Variants in ZNF610 observed in about 807,000 individuals in gnomAD.
The protein encoded by ZNF610 is zinc finger protein 610, also known as zink finger protein.
In ZNF610, 14 loss-of-function variants were observed where a neutral mutation model predicts 14.1. That is an observed-to-expected ratio of 0.99 (90% CI 0.65 to 1.55). ZNF610 has a LOEUF of 1.55. Among genes scored for constraint, ZNF610 ranks in the 40% most tolerant of loss-of-function variants. The pLI, the probability that ZNF610 is intolerant of heterozygous loss-of-function variation, is 0.00. For missense variants in ZNF610, 530 were observed against 558.0 expected (o/e 0.95, Z 0.51); for synonymous variants, 185 against 187.6 (o/e 0.99, Z 0.11).
upstream of ZNF610, among the ~76,000 whole-genome samples, chr19:52,334,766 T>G (rs2082351187): frequency 6.6e-6 from 1 of 151,516 alleles, no homozygotes; most frequent in South Asian, 2.1e-4. Flanking sequence ...GTGTCTGTAC[T>G]AAAAATACAA....
chr19:52,353,966 C>T (rs995122795), intron 4 of ZNF610, among the ~76,000 whole-genome samples, 158 bp downstream of exon 4: 5 of 152,190 alleles, frequency 3.3e-5, no homozygotes, highest in Admixed American at 6.5e-5. Flanking sequence ...ATTTGAAATG[C>T]GTCCTTTCTT....
chr19:52,356,593 C>T (rs1380205425), intron 5 of ZNF610, among the ~76,000 whole-genome samples: 1 of 152,100 alleles, frequency 6.6e-6, no homozygotes, highest in Admixed American at 6.6e-5. Flanking sequence ...TATGCCTCAG[C>T]AGGAGAGTCT....
chr19:52,349,305 A>G, intron 3 of ZNF610, 70 bp downstream of exon 3: 1 of 1,507,670 alleles, frequency 6.6e-7, no homozygotes. Context: ...CCTGCCTGAC[A>G]CGTTTGCTCA....
Position 52,365,800 on chromosome 19 carries a change from C to T in ZNF610, c.422C>T (p.Ala141Val). The T allele has an allele frequency of 6.2e-7, 1 of 1,614,146 alleles. No homozygotes were observed. Among genetic ancestry groups the T allele is most frequent in the Non-Finnish European group, 8.5e-7 (1 of 1,180,030 alleles). Residue 141 changes from alanine (A) to valine (V), a missense_variant, in exon 6 of 6, where the codon GCC becomes GTC. Transcript: ENST00000403906. ...AHLSELQLFQ[A>V]GRKIYRSNQV... ...CTGTCTGAATTGCAGCTGTTTCAAGCCGGAAGGAAAATTTACAGAAGTAAT... is the reference window on the plus strand; with the variant it reads ...CTGTCTGAATTGCAGCTGTTTCAAGTCGGAAGGAAAATTTACAGAAGTAAT...
At chr19:52,344,851 CG>C (rs1984860876) in intron 1 of ZNF610, among the ~76,000 whole-genome samples, 1 of 152,172 alleles carries the variant, frequency 6.6e-6, no homozygotes. Flanking sequence ...GGTGCAATAT[CG>C]GCTCACTGCA....
rs537348849 is a variant in ZNF610 at position 52,366,842 on chromosome 19, T to C, written c.*75T>C. ...ACTCAGGAGAAAAACCTTACAAATATCATAAATGTGGCAAAGAATTTAGTT... is the reference window on the plus strand; with the variant it reads ...ACTCAGGAGAAAAACCTTACAAATACCATAAATGTGGCAAAGAATTTAGTT... On this transcript the variant is annotated 3_prime_UTR_variant, in exon 6 of 6. Coordinates refer to ENST00000403906, the MANE Select transcript of ZNF610 (RefSeq NM_001161425.2). 3 of 1,212,978 alleles carry C rather than the reference T, an allele frequency of 2.5e-6. No homozygotes were observed. Among genetic ancestry groups the C allele is most frequent in the East Asian group, 2.4e-5 (1 of 41,744 alleles). 75.1% of individuals were successfully genotyped at this position (1,212,978 alleles called of 1,614,324 possible).
intron 1 of ZNF610, among the ~76,000 whole-genome samples, chr19:52,345,912 G>T (rs1329436782): frequency 1.3e-5 from 2 of 151,066 alleles, no homozygotes; most frequent in Non-Finnish European, 2.9e-5. Flanking sequence ...CACCATGTTA[G>T]CCAGGATGGT....
intron 1 of ZNF610, among the ~76,000 whole-genome samples, 164 bp from the exon 2 acceptor site, chr19:52,347,543 C>T (rs1985019486): frequency 6.6e-6 from 1 of 152,126 alleles, no homozygotes; most frequent in African/African-American, 2.4e-5. Context: ...TTGAGACAGC[C>T]TCTCACACTG....
At chr19:52,362,008 A>T (rs1413439843) in intron 5 of ZNF610, among the ~76,000 whole-genome samples, 1 of 152,056 alleles carries the variant, frequency 6.6e-6, no homozygotes, top group African/African-American at 2.4e-5. Context: ...TCAACCACAA[A>T]CTCCGAGGCT....
At position 52,366,766 on chromosome 19, in the gene ZNF610, GA is replaced by G. The variant is rs567136092; in HGVS notation, c.*1del. ...ENSLRTLQME[*>X] ...TCACTGCGTACCTTACAGATGGAAT[GA>G]ATGTGGCAAAATCTTTAGTTAGAAT... On this transcript the variant is annotated frameshift_variant and stop_lost, in exon 6 of 6. Transcript: ENST00000403906. LOFTEE classifies it high-confidence loss of function. The G allele has an allele frequency of 4.3e-5, 69 of 1,602,578 alleles. No individual in the cohort carries two copies. The African/African-American group carries it at 7.1e-4, about 16-fold the overall frequency.
chr19:52,337,311 G>A (rs1038475408), intron 1 of ZNF610, among the ~76,000 whole-genome samples: 1 of 152,048 alleles, frequency 6.6e-6, no homozygotes, highest in African/African-American at 2.4e-5. Flanking sequence ...TGGGATCCGG[G>A]GGGGCCAGAG....
At chr19:52,344,066 G>A (rs972007019) in intron 1 of ZNF610, 1 of 152,110 alleles carries the variant, frequency 6.6e-6, no homozygotes, top group Non-Finnish European at 1.5e-5. Context: ...CTGCTAAGGG[G>A]TGATGCATCA....
intron 3 of ZNF610, among the ~76,000 whole-genome samples, chr19:52,351,798 G>T (rs1420320726): frequency 4.6e-5 from 7 of 152,186 alleles, no homozygotes; most frequent in African/African-American, 1.7e-4. Context: ...TGTTACTTCA[G>T]TGCTTCTGTT....
chr19:52,359,640 T>C (rs1985685170), intron 5 of ZNF610, among the ~76,000 whole-genome samples: 1 of 152,196 alleles, frequency 6.6e-6, no homozygotes, highest in African/African-American at 2.4e-5. Context: ...CACAACAATC[T>C]GTCAAGACAG....
chr19:52,361,628 T>A (rs2247899), intron 5 of ZNF610, among the ~76,000 whole-genome samples: 3,186 of 103,570 alleles, frequency 0.031, 67 homozygotes, highest in East Asian at 0.12. Context: ...AATTTAAAAA[T>A]TTTTTTTTTC....
At chr19:52,357,606 C>A (rs1044615977) in intron 5 of ZNF610, among the ~76,000 whole-genome samples, 1 of 132,276 alleles carries the variant, frequency 7.6e-6, no homozygotes, top group African/African-American at 2.9e-5. Flanking sequence ...GATGGTGCCA[C>A]TGCACTCCAG....
At chr19:52,365,677 C>A in intron 5 of ZNF610, 21 bp from the exon 6 acceptor site, 1 of 1,575,068 alleles carries the variant, frequency 6.3e-7, no homozygotes, top group South Asian at 1.2e-5. Flanking sequence ...GGTTCATGTT[C>A]TACTCTTTCT....
At chr19:52,339,041 C>G (rs1409086322) in intron 1 of ZNF610, among the ~76,000 whole-genome samples, 2 of 151,858 alleles carry the variant, frequency 1.3e-5, no homozygotes, top group Non-Finnish European at 1.5e-5. Context: ...GGAAAACATA[C>G]GAACCAAGAT....
chr19:52,365,275 G>T (rs1985966458), intron 5 of ZNF610, among the ~76,000 whole-genome samples: 1 of 152,020 alleles, frequency 6.6e-6, no homozygotes, highest in Admixed American at 6.6e-5. Flanking sequence ...GGTGTGACAG[G>T]GAGACCTTTC....
Sources: allele counts gnomAD v4.1 joint callset (sites outside exome capture counted in the v4.1 genomes callset), GRCh38; gene constraint gnomAD v4.1.1; transcripts MANE v1.5; gene names NCBI Gene and HGNC (gene_info 2026-07-23, HGNC 2026-07-21).